Variants in NPL observed in about 807,000 individuals in gnomAD.
The protein encoded by NPL is N-acetylneuraminate pyruvate lyase.
Under a neutral mutation model 41.1 loss-of-function variants are expected in NPL, and 32 were observed. The ratio of observed to expected loss-of-function variants is 0.78; its 90% CI spans 0.59 to 1.05. The LOEUF (loss-of-function observed/expected upper bound fraction) is 1.05. NPL is among the 50% of genes least tolerant of loss of function. The probability of loss-of-function intolerance (pLI) is 0.00; values close to 1 mark genes in which losing one functional copy is unlikely to be tolerated. For missense variants in NPL, 321 were observed against 378.4 expected, an observed-to-expected ratio of 0.85 and a Z score of 1.26; for synonymous variants, 128 against 134.9, an observed-to-expected ratio of 0.95 and a Z score of 0.35.
At chr1:182,801,621 A>G (rs566110941) in intron 3 of NPL, among the ~76,000 whole-genome samples, 3 of 152,292 alleles carry the variant, frequency 2.0e-5, no homozygotes, top group African/African-American at 7.2e-5. Flanking sequence ...AGGCTAAGGC[A>G]GGAGGATCGC....
intron 12 of NPL, among the ~76,000 whole-genome samples, chr1:182,827,332 G>T (rs559289724): frequency 1.3e-5 from 2 of 152,322 alleles, no homozygotes; most frequent in South Asian, 4.1e-4. Context: ...TATTAACAGT[G>T]TACCTGATCT....
intron 7 of NPL, among the ~76,000 whole-genome samples, chr1:182,815,365 T>C (rs1017122681): frequency 1.3e-5 from 2 of 152,196 alleles, no homozygotes; most frequent in African/African-American, 4.8e-5. Context: ...GGTGTCTAAG[T>C]ATACCAAGTC....
At chr1:182,803,673 G>T in intron 3 of NPL, 25 bp from the exon 4 acceptor site, 5 of 1,486,692 alleles carry the variant, frequency 3.4e-6, no homozygotes, top group Non-Finnish European at 4.7e-6. Flanking sequence ...GACTAAATAT[G>T]CCTTTTTTTC....
intron 4 of NPL, among the ~76,000 whole-genome samples, chr1:182,805,479 A>G (rs1438377468): frequency 6.6e-6 from 1 of 152,210 alleles, no homozygotes; most frequent in East Asian, 1.9e-4. Flanking sequence ...GGAAAAGAGG[A>G]AAGATGATGA....
chr1:182,815,609 A>T (rs974813437), intron 7 of NPL, among the ~76,000 whole-genome samples: 2 of 152,150 alleles, frequency 1.3e-5, no homozygotes, highest in South Asian at 2.1e-4. Flanking sequence ...AAAATTTTTT[A>T]AATTATTTTT....
At chr1:182,807,474 C>T (rs1420170576) in intron 5 of NPL, among the ~76,000 whole-genome samples, 1 of 152,080 alleles carries the variant, frequency 6.6e-6, no homozygotes, top group Admixed American at 6.5e-5. Context: ...TCCACAGAAG[C>T]ATTCTCTGGT....
intron 10 of NPL, among the ~76,000 whole-genome samples, chr1:182,819,228 G>A (rs1490423466): frequency 6.6e-5 from 10 of 152,108 alleles, no homozygotes; most frequent in South Asian, 4.1e-4. Context: ...AGGCCAAGGC[G>A]GGTGGATCAC....
Position 182,811,235 on chromosome 1 carries a change from T to A in NPL, c.231-921T>A, listed in dbSNP as rs879101198. On this transcript the variant is annotated intron_variant, in intron 5 of 12. Coordinates refer to ENST00000367553, the MANE Select transcript of NPL (RefSeq NM_030769.3). ...AGAATTTATTATTTATTTTTATTTT[T>A]AATTATTTTTTGAGACATGGTCTTG... Among the ~76,000 whole-genome samples, 2 of 152,144 alleles carry A rather than the reference T, an allele frequency of 1.3e-5. 1 individual carries two copies. Among genetic ancestry groups the A allele is most frequent in the Admixed American group, 1.3e-4 (2 of 15,266 alleles).
At chr1:182,795,579 G>T in intron 3 of NPL, among the ~76,000 whole-genome samples, 1 of 152,140 alleles carries the variant, frequency 6.6e-6, no homozygotes, top group Non-Finnish European at 1.5e-5. Context: ...CTACCTTAGA[G>T]ACTCTCCAAT....
intron 2 of NPL, among the ~76,000 whole-genome samples, chr1:182,792,534 C>CT (rs35717891): frequency 0.012 from 1,816 of 152,278 alleles, 33 homozygotes; most frequent in African/African-American, 0.041. Context: ...AAGTGGCCTG[C>CT]TTATTGTACT....
Position 182,829,753 on chromosome 1 carries a change from G to A in NPL, c.*845G>A, listed in dbSNP as rs1667720514. ...ACTTCCTTTCTGCAGTGAGCCCAGG[G>A]GCTAATGTTATTATCCTGTCACACT... is the stretch of plus-strand genomic sequence containing the variant. On this transcript the variant is annotated 3_prime_UTR_variant, in exon 13 of 13. Coordinates refer to ENST00000367553, the MANE Select transcript of NPL (RefSeq NM_030769.3). The A allele has an allele frequency of 1.1e-6, 1 of 919,564 alleles. No homozygotes were observed. The highest frequency in any genetic ancestry group is 1.7e-6 in the Non-Finnish European group (1 of 582,088). The allele number at this position is 919,564 out of a possible 1,614,324, so 57.0% of individuals were successfully genotyped here. A position where few individuals can be genotyped will look rare whatever the true frequency, so the allele number is the denominator to read the frequency against.
chr1:182,805,523 A>T (rs1179591059), intron 4 of NPL, among the ~76,000 whole-genome samples: 1 of 152,264 alleles, frequency 6.6e-6, no homozygotes, highest in African/African-American at 2.4e-5. Flanking sequence ...ATTCAAACTT[A>T]AATTATTTTC....
intron 3 of NPL, among the ~76,000 whole-genome samples, chr1:182,799,564 C>T (rs1229990981): frequency 6.6e-6 from 1 of 151,312 alleles, no homozygotes; most frequent in Non-Finnish European, 1.5e-5. Flanking sequence ...TATGTACTTT[C>T]TAAAGTAAAC....
Position 182,829,722 on chromosome 1 carries a change from A to G in NPL, c.*814A>G. On this transcript the variant is annotated 3_prime_UTR_variant, in exon 13 of 13. Coordinates refer to ENST00000367553, the MANE Select transcript of NPL (RefSeq NM_030769.3). ...CAGGACCCTGAATTATTGAAATCGA[A>G]GGCTGACTTCCTTTCTGCAGTGAGC... 1 of 1,240,692 alleles carries G rather than the reference A, an allele frequency of 8.1e-7. No individual in the cohort carries two copies. Among genetic ancestry groups the G allele is most frequent in the South Asian group, 1.3e-5 (1 of 77,360 alleles). The allele number at this position is 1,240,692 out of a possible 1,614,324, so 76.9% of individuals were successfully genotyped here.
intron 7 of NPL, among the ~76,000 whole-genome samples, chr1:182,815,352 T>C (rs1246224990): frequency 2.6e-5 from 4 of 152,224 alleles, no homozygotes; most frequent in African/African-American, 9.7e-5. Flanking sequence ...AGAAACTATT[T>C]ATGGTGTCTA....
Position 182,820,143 on chromosome 1 carries a change from G to A in NPL, c.653+1284G>A, listed in dbSNP as rs1667450368. 2.0e-5 allele frequency among the ~76,000 whole-genome samples: 3 copies of A among 152,236 alleles called. No individual in the cohort carries two copies. In the South Asian group the frequency reaches 6.2e-4, roughly 32 times the overall value. The stretch of plus-strand genomic sequence containing the variant: ...AGCGTGGCATCTCGGGACATCATTA[G>A]ATAGCACTACCTAGGCAAGTGTCCA... On this transcript the variant is annotated intron_variant, in intron 10 of 12. Transcript: ENST00000367553.
intron 1 of NPL, chr1:182,791,180 G>C (rs990568061): frequency 6.6e-6 from 1 of 152,022 alleles, no homozygotes; most frequent in Non-Finnish European, 1.5e-5. Flanking sequence ...TTTCGGCTGG[G>C]GTATCAGGAA....
At chr1:182,799,732 C>CAA (rs556336661) in intron 3 of NPL, among the ~76,000 whole-genome samples, 686 of 60,934 alleles carry the variant, frequency 0.011, no homozygotes, top group African/African-American at 0.024. Context: ...ACCCTGTCTC[C>CAA]AAAAAAAAAA....
chr1:182,797,762 ATTTG>A (rs1349103531), intron 3 of NPL, among the ~76,000 whole-genome samples: 1 of 152,086 alleles, frequency 6.6e-6, no homozygotes, highest in Non-Finnish European at 1.5e-5. Context: ...CATCAGAATT[ATTTG>A]TTTATTATTA....
Sources: allele counts gnomAD v4.1 joint callset (sites outside exome capture counted in the v4.1 genomes callset), GRCh38; gene constraint gnomAD v4.1.1; transcripts MANE v1.5; gene names NCBI Gene and HGNC (gene_info 2026-07-23, HGNC 2026-07-21).